C8orf34: variants seen among roughly 807,000 people sequenced by gnomAD.
C8orf34 encodes uncharacterized protein C8orf34.
In C8orf34, 65 loss-of-function variants were observed where a neutral mutation model predicts 68.3. The ratio of observed to expected loss-of-function variants is 0.95; its 90% CI spans 0.78 to 1.17. The LOEUF (loss-of-function observed/expected upper bound fraction) is 1.17, where lower values mean the gene tolerates loss of function less well. Ranked by LOEUF, C8orf34 falls within the 50% of genes most tolerant of loss-of-function variation. The pLI, the probability that C8orf34 is intolerant of heterozygous loss-of-function variation, is 0.00. For synonymous variants in C8orf34, 244 were observed against 241.2 expected (o/e 1.01, Z -0.11); for missense variants, 664 against 655.4 (o/e 1.01, Z -0.14).
intron 7 of C8orf34, among the ~76,000 whole-genome samples, chr8:68,556,595 G>C (rs889300269): frequency 2.6e-5 from 4 of 152,052 alleles, no homozygotes; most frequent in Non-Finnish European, 5.9e-5. Flanking sequence ...ACAGGAGCAG[G>C]TGTGGAAGTG....
intron 11 of C8orf34, among the ~76,000 whole-genome samples, chr8:68,784,434 T>G (rs1444650214): frequency 6.6e-6 from 1 of 152,198 alleles, no homozygotes; most frequent in African/African-American, 2.4e-5. Context: ...TTGTCAGGTT[T>G]CTTCACTGTA....
intron 7 of C8orf34, among the ~76,000 whole-genome samples, chr8:68,624,789 G>T (rs1373851225): frequency 1.3e-5 from 2 of 152,076 alleles, no homozygotes; most frequent in Admixed American, 6.6e-5. Context: ...CACAAAAAAT[G>T]CAATGGCACG....
intron 12 of C8orf34, chr8:68,792,304 G>A (rs1334380816): frequency 6.6e-6 from 1 of 152,096 alleles, no homozygotes; most frequent in Non-Finnish European, 1.5e-5. Context: ...CAGGCGCAAT[G>A]GCTCACGTCT....
chr8:68,815,891 G>A lies in C8orf34; in HGVS notation c.1555G>A (p.Ala519Thr), dbSNP rs759737653. 1.8e-5 allele frequency: 29 copies of A among 1,613,526 alleles called. No individual in the cohort carries two copies. The highest frequency in any genetic ancestry group is 6.7e-5 in the African/African-American group (5 of 74,852). Residue 519 changes from alanine to threonine, a missense_variant, in exon 13 of 14, where the codon GCT becomes ACT. Coordinates refer to ENST00000518698, the MANE Select transcript of C8orf34 (RefSeq NM_052958.4). ...CTGTTTCTTTTGTTGTGCAGGTTCC[G>A]CTGATCTTCTTCTTTGCGTTCCATG... ...GVEAEQEKRS[A>T]DLLLCVPCSS...
rs184975996 is a variant in C8orf34 at position 68,451,861 on chromosome 8, C to T, written c.607+5401C>T. ...AGACTTGTTCAATGCAGGGTCCCCA[C>T]GAATGTTTACTTTGTAAAAAAAACA... On this transcript the variant is annotated intron_variant, in intron 3 of 13. Transcript: ENST00000518698. 2.8e-3 allele frequency among the ~76,000 whole-genome samples: 431 copies of T among 151,898 alleles called. 2 individuals carry two copies. Among genetic ancestry groups the T allele is most frequent in the Non-Finnish European group, 4.7e-3 (320 of 67,920 alleles).
intron 10 of C8orf34, among the ~76,000 whole-genome samples, chr8:68,773,689 C>T (rs1188726802): frequency 2.6e-5 from 4 of 152,070 alleles, no homozygotes; most frequent in Admixed American, 2.6e-4. Flanking sequence ...CCGGCCCCTC[C>T]GAGAGTCTTT....
intron 7 of C8orf34, among the ~76,000 whole-genome samples, chr8:68,567,680 C>T (rs1194227175): frequency 7.1e-6 from 1 of 141,476 alleles, no homozygotes; most frequent in Non-Finnish European, 1.5e-5. Context: ...CTGCAAATTC[C>T]GCCTCCCGGG....
intron 1 of C8orf34, among the ~76,000 whole-genome samples, chr8:68,430,504 T>A (rs1289253495): frequency 1.3e-5 from 2 of 152,208 alleles, no homozygotes; most frequent in African/African-American, 4.8e-5. Context: ...TTCAGTGGCA[T>A]CTGAATCTTG....
intron 1 of C8orf34, among the ~76,000 whole-genome samples, chr8:68,425,712 C>A (rs1810180330): frequency 1.4e-5 from 2 of 141,900 alleles, no homozygotes. Context: ...CTAGAATAGC[C>A]AAAACAGTTT....
chr8:68,548,479 A>T (rs1479054886), intron 7 of C8orf34, among the ~76,000 whole-genome samples: 3 of 151,838 alleles, frequency 2.0e-5, no homozygotes, highest in East Asian at 3.9e-4. Flanking sequence ...AACAACATTG[A>T]GATGCCACTT....
intron 8 of C8orf34, among the ~76,000 whole-genome samples, chr8:68,649,112 G>T (rs1819266825): frequency 6.6e-6 from 1 of 151,948 alleles, no homozygotes; most frequent in Non-Finnish European, 1.5e-5. Flanking sequence ...AAATGGATAA[G>T]GACAAAAAAG....
intron 4 of C8orf34, among the ~76,000 whole-genome samples, chr8:68,473,782 T>A (rs1812481666): frequency 1.3e-5 from 2 of 152,186 alleles, no homozygotes; most frequent in Non-Finnish European, 2.9e-5. Flanking sequence ...CCTATACTTC[T>A]GAAACTTATC....
At chr8:68,734,758 G>A (rs1032111877) in intron 10 of C8orf34, among the ~76,000 whole-genome samples, 7 of 152,156 alleles carry the variant, frequency 4.6e-5, no homozygotes, top group African/African-American at 1.2e-4. Context: ...CATCTCTGCT[G>A]CACTCTTATT....
chr8:68,435,501 C>A (rs554189482), intron 1 of C8orf34, among the ~76,000 whole-genome samples: 2 of 152,268 alleles, frequency 1.3e-5, no homozygotes, highest in African/African-American at 4.8e-5. Flanking sequence ...CTGGAAGCTG[C>A]GGCAATTCTT....
chr8:68,566,666 C>T (rs142590617), intron 7 of C8orf34, among the ~76,000 whole-genome samples: 2,173 of 152,172 alleles, frequency 0.014, 48 homozygotes, highest in African/African-American at 0.05. Context: ...TGCTCTGAAC[C>T]AGGCATTGGC....
chr8:68,525,642 G>T, intron 6 of C8orf34: 1 of 720,974 alleles, frequency 1.4e-6, no homozygotes, highest in Non-Finnish European at 2.5e-6. Context: ...AGATTATGCT[G>T]CCATTTTTCT....
intron 7 of C8orf34, among the ~76,000 whole-genome samples, chr8:68,554,546 A>C (rs1329774197): frequency 2.0e-5 from 3 of 152,142 alleles, no homozygotes; most frequent in Admixed American, 6.5e-5. Flanking sequence ...CATGGTCCTT[A>C]ATATAATTAT....
At chr8:68,611,172 A>G (rs1188987987) in intron 7 of C8orf34, among the ~76,000 whole-genome samples, 2 of 152,110 alleles carry the variant, frequency 1.3e-5, no homozygotes, top group African/African-American at 2.4e-5. Flanking sequence ...CCTACAGTGA[A>G]TCTTAAGATG....
chr8:68,580,584 A>C (rs1051396413), intron 7 of C8orf34, among the ~76,000 whole-genome samples: 3 of 152,122 alleles, frequency 2.0e-5, no homozygotes, highest in African/African-American at 7.2e-5. Flanking sequence ...GCAGTAGAGG[A>C]CGGAGGTCAT....
Sources: allele counts gnomAD v4.1 joint callset (sites outside exome capture counted in the v4.1 genomes callset), GRCh38; gene constraint gnomAD v4.1.1; transcripts MANE v1.5; gene names NCBI Gene and HGNC (gene_info 2026-07-23, HGNC 2026-07-21).